The following SNRNP200 variants were observed in gnomAD, a reference collection of about 807,000 sequenced individuals.
SNRNP200 encodes the protein small nuclear ribonucleoprotein U5 subunit 200.
In SNRNP200, 66 loss-of-function variants were observed where a neutral mutation model predicts 255.2. That is an observed-to-expected ratio of 0.26 (90% CI 0.21 to 0.32). SNRNP200 has a LOEUF of 0.32. Among genes scored for constraint, SNRNP200 ranks in the 10% least tolerant of loss-of-function variants. The probability of loss-of-function intolerance (pLI) is 1.00; values close to 1 mark genes in which losing one functional copy is unlikely to be tolerated. For synonymous variants in SNRNP200, 939 were observed against 1,027.8 expected (o/e 0.91, Z 1.65); for missense variants, 1,585 against 2,749.8 (o/e 0.58, Z 9.47).
At position 96,287,230 on chromosome 2, in the gene SNRNP200, C is replaced by G. The variant is rs776477341; in HGVS notation, c.3485-70G>C. 6.3e-7 allele frequency: 1 copy of G among 1,582,670 alleles called. No homozygotes were observed. Among genetic ancestry groups the G allele is most frequent in the Non-Finnish European group, 8.7e-7 (1 of 1,152,088 alleles). ...CTATACTGCAAACTGGGCCTGAGGGCCACTGTGGGAAAGGGGTAGGGTCTT... is the reference window on the plus strand; with the variant it reads ...CTATACTGCAAACTGGGCCTGAGGGGCACTGTGGGAAAGGGGTAGGGTCTT... On this transcript the variant is annotated intron_variant, in intron 26 of 44. Transcript: ENST00000323853. This position sits in a 1 kb window ranked among gnomAD's most constrained non-coding sequence, Gnocchi z 5.7.
In SNRNP200 at chr2:96,278,331, T is replaced by C; in HGVS notation, c.5516A>G (p.Lys1839Arg). 1.2e-6 allele frequency: 2 copies of C among 1,614,186 alleles called. No homozygotes were observed. Among genetic ancestry groups the C allele is most frequent in the East Asian group, 2.2e-5 (1 of 44,878 alleles). The change falls in exon 39 of 45, where the codon AAG becomes AGG. Residue 1839 changes from lysine to arginine, a missense_variant. By Grantham distance (26) the Lys-to-Arg change is conservative (BLOSUM62 2). Coordinates refer to ENST00000323853, the MANE Select transcript of SNRNP200 (RefSeq NM_014014.5). The surrounding 1 kb of genome is among the most constrained non-coding windows in gnomAD (Gnocchi z 6.9). The stretch of plus-strand genomic sequence containing the variant: ...CTCGATAAGCCCTCGCACCTTGGTC[T>C]TGGCATTGAGGGACATGCTGAAGAG... ...IELFSMSLNA[K>R]TKVRGLIEII...
intron 24 of SNRNP200, among the ~76,000 whole-genome samples, 160 bp from the exon 25 acceptor site, chr2:96,288,129 T>A (rs961521893): frequency 6.6e-6 from 1 of 152,182 alleles, no homozygotes; most frequent in African/African-American, 2.4e-5. Flanking sequence ...CCGTTCCATA[T>A]AGTAGATGCT....
intron 29 of SNRNP200, 88 bp from the exon 30 acceptor site, chr2:96,285,428 A>G: frequency 2.0e-6 from 3 of 1,468,306 alleles, no homozygotes; most frequent in Non-Finnish European, 2.8e-6. Context: ...AACAAAGGAC[A>G]ACATACGAAA....
chr2:96,298,105 G>A (rs2063930004), intron 9 of SNRNP200, among the ~76,000 whole-genome samples, 179 bp downstream of exon 9: 2 of 152,196 alleles, frequency 1.3e-5, no homozygotes, highest in African/African-American at 4.8e-5. Flanking sequence ...CAGGTCACTG[G>A]TCTCATGACC....
intron 6 of SNRNP200, 132 bp downstream of exon 6, chr2:96,299,197 A>G: frequency 1.0e-6 from 1 of 969,438 alleles, no homozygotes; most frequent in Non-Finnish European, 1.6e-6. Flanking sequence ...GAAACTCTAG[A>G]CACTAAGTGT....
In SNRNP200 at chr2:96,297,017, G is replaced by C. The variant is rs763144956; in HGVS notation, c.1431C>G (p.Gly477=). The change falls in exon 12 of 45, where the codon GGC becomes GGG. Residue 477 remains glycine, a synonymous_variant. Transcript: ENST00000323853. ...LPKYAQAGFE[G]FKTLNRIQSK... ...TCTGGATCCGATTCAGTGTTTTGAA[G>C]CCCTCAAACCCAGCCTGGGCATACT... is the stretch of plus-strand genomic sequence containing the variant. The C allele has an allele frequency of 6.2e-7, 1 of 1,614,184 alleles. No homozygotes were observed. Among genetic ancestry groups the C allele is most frequent in the South Asian group, 1.1e-5 (1 of 91,082 alleles).
intron 2 of SNRNP200, 83 bp from the exon 3 acceptor site, chr2:96,303,413 C>T (rs2063965573): frequency 2.7e-6 from 4 of 1,499,510 alleles, no homozygotes; most frequent in Non-Finnish European, 2.8e-6. Flanking sequence ...CTCCTCTCCT[C>T]AGCTTCATGG....
intron 14 of SNRNP200, among the ~76,000 whole-genome samples, chr2:96,294,169 C>T (rs1342972991): frequency 6.6e-6 from 1 of 150,682 alleles, no homozygotes; most frequent in Non-Finnish European, 1.5e-5. Context: ...GGCAGTGGCT[C>T]ACGCCTGTAA....
chr2:96,299,984 T>A (rs1445456587), intron 5 of SNRNP200, among the ~76,000 whole-genome samples: 1 of 152,164 alleles, frequency 6.6e-6, no homozygotes, highest in Non-Finnish European at 1.5e-5. Context: ...GGCTTAGCAA[T>A]CACCTATTGA....
chr2:96,304,644 G>A, intron 2 of SNRNP200, 61 bp downstream of exon 2: 4 of 1,604,508 alleles, frequency 2.5e-6, no homozygotes, highest in Non-Finnish European at 2.6e-6. Flanking sequence ...AATGCTGCTC[G>A]AATGTTAAAG....
chr2:96,283,435 A>G lies in SNRNP200; in HGVS notation c.4764-83T>C, dbSNP rs188128101. On this transcript the variant is annotated intron_variant, in intron 33 of 44. Transcript: ENST00000323853. The surrounding 1 kb of genome is among the most constrained non-coding windows in gnomAD (Gnocchi z 4.7). ...GCCAGCTGTGCAGAACCTGGCCCCA[A>G]GCAACATGGGCTAACCCCACCCTCA... 8.4e-4 allele frequency: 1,362 copies of G among 1,613,032 alleles called. 1 individual carries two copies. The highest frequency in any genetic ancestry group is 1.1e-3 in the Non-Finnish European group (1,265 of 1,179,376).
chr2:96,287,768 C>G lies in SNRNP200; in HGVS notation c.3365+95G>C. 1 of 1,106,916 alleles carries G rather than the reference C, an allele frequency of 9.0e-7. No homozygotes were observed. Among genetic ancestry groups the G allele is most frequent in the Admixed American group, 1.7e-5 (1 of 59,018 alleles). The allele number at this position is 1,106,916 out of a possible 1,614,324, so 68.6% of individuals were successfully genotyped here. A position where few individuals can be genotyped will look rare whatever the true frequency, so the allele number is the denominator to read the frequency against. ...TCAGGTCATACTTCCGATGTCAGGT[C>G]TGGAGATCAGATGCACCCTGAGGCT... On this transcript the variant is annotated intron_variant, in intron 25 of 44. Coordinates refer to ENST00000323853, the MANE Select transcript of SNRNP200 (RefSeq NM_014014.5). This position sits in a 1 kb window ranked among gnomAD's most constrained non-coding sequence, Gnocchi z 5.7.
intron 14 of SNRNP200, among the ~76,000 whole-genome samples, chr2:96,294,588 C>G (rs1387814762): frequency 6.6e-6 from 1 of 152,188 alleles, no homozygotes; most frequent in Non-Finnish European, 1.5e-5. Flanking sequence ...AAAGCCAGTA[C>G]CCACAGACTG....
At position 96,286,293 on chromosome 2, in the gene SNRNP200, A is replaced by G; in HGVS notation, c.4003+18T>C. The G allele has an allele frequency of 1.2e-6, 2 of 1,613,196 alleles. No homozygotes were observed. The highest frequency in any genetic ancestry group is 8.5e-7 in the Non-Finnish European group (1 of 1,179,288). ...CGGTGACTTCAAAAGCCTCCAGAGG[A>G]GGGATGGAAACACTTACCCTGGGTC... On this transcript the variant is annotated intron_variant, in intron 29 of 44. Coordinates refer to ENST00000323853, the MANE Select transcript of SNRNP200 (RefSeq NM_014014.5). This position sits in a 1 kb window ranked among gnomAD's most constrained non-coding sequence, Gnocchi z 4.8.
In SNRNP200 at chr2:96,290,215, GA is replaced by G. The variant is rs2063875735; in HGVS notation, c.2742+110del. 1.6e-6 allele frequency: 2 copies of G among 1,225,862 alleles called. No homozygotes were observed. Among genetic ancestry groups the G allele is most frequent in the Non-Finnish European group, 2.4e-6 (2 of 828,072 alleles). 75.9% of individuals were successfully genotyped at this position (1,225,862 alleles called of 1,614,324 possible). On this transcript the variant is annotated intron_variant, in intron 20 of 44. Coordinates refer to ENST00000323853, the MANE Select transcript of SNRNP200 (RefSeq NM_014014.5). The surrounding 1 kb of genome is among the most constrained non-coding windows in gnomAD (Gnocchi z 4.5). ...GCCAGACCCAAGATGTGGGTGCAGG[GA>G]TGGAAGGCCTCGGACGCTGCTGGCC...
intron 4 of SNRNP200, among the ~76,000 whole-genome samples, 164 bp from the exon 5 acceptor site, chr2:96,301,217 T>C (rs1362098045): frequency 6.6e-6 from 1 of 152,178 alleles, no homozygotes; most frequent in African/African-American, 2.4e-5. Context: ...CCTATGCTGC[T>C]CCTGCCAAGA....
At position 96,282,277 on chromosome 2, in the gene SNRNP200, C is replaced by G. The variant is rs1385895726; in HGVS notation, c.4916-355G>C. On this transcript the variant is annotated intron_variant, in intron 34 of 44. Coordinates refer to ENST00000323853, the MANE Select transcript of SNRNP200 (RefSeq NM_014014.5). The stretch of plus-strand genomic sequence containing the variant: ...AGCCATGCCAGCAAAACAGAGATCA[C>G]TCTAAGCATGCCCCAAACAGGCAGA... 1.1e-5 allele frequency: 3 copies of G among 267,048 alleles called. No homozygotes were observed. The East Asian group carries it at 2.5e-4, about 22-fold the overall frequency. 16.5% of individuals were successfully genotyped at this position (267,048 alleles called of 1,614,324 possible). A position where few individuals can be genotyped will look rare whatever the true frequency, so the allele number is the denominator to read the frequency against.
intron 3 of SNRNP200, among the ~76,000 whole-genome samples, chr2:96,302,673 A>C (rs887744643): frequency 4.6e-5 from 7 of 152,222 alleles, no homozygotes; most frequent in African/African-American, 1.7e-4. Flanking sequence ...TCACAAGCAC[A>C]GGTTGTTTGA....
chr2:96,283,423 A>T lies in SNRNP200; in HGVS notation c.4764-71T>A, dbSNP rs1018201559. ...GGCAGACACTTTGCCAGCTGTGCAG[A>T]ACCTGGCCCCAAGCAACATGGGCTA... On this transcript the variant is annotated intron_variant, in intron 33 of 44. Transcript: ENST00000323853. The surrounding 1 kb of genome is among the most constrained non-coding windows in gnomAD (Gnocchi z 4.7). The T allele has an allele frequency of 2.2e-5, 36 of 1,612,882 alleles. No individual in the cohort carries two copies. In the African/African-American group the frequency reaches 4.5e-4, roughly 20 times the overall value.
Sources: gnomAD v4.1 joint callset for allele counts (sites outside exome capture counted in the v4.1 genomes callset) on GRCh38, gnomAD v4.1.1 for gene constraint, Gnocchi (gnomAD v3.1) non-coding constraint, MANE v1.5 for transcripts, NCBI Gene and HGNC (gene_info 2026-07-23, HGNC 2026-07-21) for gene names.